NIBAN1: variants seen among roughly 807,000 people sequenced by gnomAD.
The protein encoded by NIBAN1 is protein Niban 1.
In NIBAN1, 81 loss-of-function variants were observed where a neutral mutation model predicts 75.1. The ratio of observed to expected loss-of-function variants is 1.08; its 90% CI spans 0.90 to 1.30. The LOEUF (loss-of-function observed/expected upper bound fraction) is 1.30. NIBAN1 is among the 50% of genes most tolerant of loss of function. The pLI is 0.00. For synonymous variants in NIBAN1, 436 were observed against 424.8 expected (o/e 1.03, Z -0.32); for missense variants, 1,133 against 1,128.1 (o/e 1.00, Z -0.06).
chr1:184,921,254 G>A (rs556535712), intron 1 of NIBAN1, among the ~76,000 whole-genome samples: 3 of 151,872 alleles, frequency 2.0e-5, no homozygotes, highest in South Asian at 2.1e-4. Context: ...CCGAGATTGC[G>A]CCATTGCACT....
chr1:184,911,202 T>TA (rs1657233034), intron 1 of NIBAN1, among the ~76,000 whole-genome samples: 1 of 152,334 alleles, frequency 6.6e-6, no homozygotes, highest in South Asian at 2.1e-4. Context: ...TCACTTAATA[T>TA]ATATTAAACT....
intron 1 of NIBAN1, among the ~76,000 whole-genome samples, chr1:184,938,654 A>C (rs1220451632): frequency 6.6e-6 from 1 of 152,212 alleles, no homozygotes; most frequent in African/African-American, 2.4e-5. Context: ...TTTATTTTTA[A>C]ACACTGTTAA....
chr1:184,842,207 A>G (rs1655305338), intron 5 of NIBAN1, among the ~76,000 whole-genome samples: 1 of 152,224 alleles, frequency 6.6e-6, no homozygotes, highest in Non-Finnish European at 1.5e-5. Context: ...GTAAAGAGAT[A>G]CTGAAGGGAA....
chr1:184,829,464 CTTT>C lies in NIBAN1; in HGVS notation c.717+2380_717+2382del, dbSNP rs34475915. Among the ~76,000 whole-genome samples the C allele has an allele frequency of 2.2e-4, 28 of 129,062 alleles. No individual in the cohort carries two copies. In the East Asian group the frequency reaches 5.2e-3, roughly 24 times the overall value. The allele number at this position is 129,062 out of a possible 152,430, so 84.7% of individuals were successfully genotyped here. ...AAAGGATTTATTAAATACATATATTCTTTTTTTTTTTTTTTTTTTTGAGATGGA... is the reference window on the plus strand; with the variant it reads ...AAAGGATTTATTAAATACATATATTCTTTTTTTTTTTTTTTTTGAGATGGA... On this transcript the variant is annotated intron_variant, in intron 6 of 13. Coordinates refer to ENST00000367511, the MANE Select transcript of NIBAN1 (RefSeq NM_052966.4).
intron 1 of NIBAN1, among the ~76,000 whole-genome samples, chr1:184,907,261 G>A (rs1657130410): frequency 1.3e-5 from 2 of 151,484 alleles, no homozygotes; most frequent in Non-Finnish European, 2.9e-5. Context: ...CATTTTTACT[G>A]TTACTATGAA....
chr1:184,965,181 C>A (rs1658749304), intron 1 of NIBAN1, among the ~76,000 whole-genome samples: 1 of 151,964 alleles, frequency 6.6e-6, no homozygotes, highest in African/African-American at 2.4e-5. Flanking sequence ...CGCCTGTAGT[C>A]CCAGCTACTC....
intron 1 of NIBAN1, among the ~76,000 whole-genome samples, chr1:184,963,285 G>A (rs931156944): frequency 6.6e-6 from 1 of 151,956 alleles, no homozygotes; most frequent in African/African-American, 2.4e-5. Context: ...TTAACGAAAA[G>A]GGGGGAGTAT....
intron 11 of NIBAN1, among the ~76,000 whole-genome samples, chr1:184,804,057 A>C (rs1251392714): frequency 6.6e-6 from 1 of 152,206 alleles, no homozygotes; most frequent in Non-Finnish European, 1.5e-5. Context: ...CCACATCTTC[A>C]AACCAGGGTC....
At chr1:184,832,624 A>AGGT (rs1655029668) in intron 5 of NIBAN1, among the ~76,000 whole-genome samples, 1 of 152,204 alleles carries the variant, frequency 6.6e-6, no homozygotes, top group African/African-American at 2.4e-5. Context: ...GGCACAGCCC[A>AGGT]GGTGTGAAAT....
At chr1:184,884,505 A>G (rs111912113) in intron 5 of NIBAN1, 128 bp downstream of exon 5, 82,239 of 1,271,802 alleles carry the variant, frequency 0.065, 2,951 homozygotes, top group African/African-American at 0.098. Context: ...GATTACAGGC[A>G]TGAGCCACCG....
intron 1 of NIBAN1, among the ~76,000 whole-genome samples, chr1:184,900,058 T>C (rs1006399052): frequency 3.9e-5 from 6 of 152,062 alleles, no homozygotes; most frequent in African/African-American, 1.4e-4. Context: ...TCAGATGATC[T>C]GCCCGCCTCG....
In NIBAN1 at chr1:184,974,351, G is replaced by T. The variant is rs1472748104; in HGVS notation, c.6C>A (p.Gly2=). ...CGTCCAGCTGGCTGGAGGCTGAGCC[G>T]CCCATGACCGCGAGCTGCCTGTGCT... M[G]GSASSQLDEG... Residue 2 remains glycine, a synonymous_variant, in exon 1 of 14, where the codon GGC becomes GGA. Transcript: ENST00000367511. 5 of 1,559,082 alleles carry T rather than the reference G, an allele frequency of 3.2e-6. No individual in the cohort carries two copies. The highest frequency in any genetic ancestry group is 1.4e-5 in the African/African-American group (1 of 73,454).
chr1:184,811,502 T>TTTTTTTTTG (rs1654374375), intron 9 of NIBAN1, among the ~76,000 whole-genome samples: 2 of 126,484 alleles, frequency 1.6e-5, no homozygotes, highest in African/African-American at 3.0e-5. Flanking sequence ...ACTTTCTTCC[T>TTTTTTTTTG]TTTTTTTTTT....
intron 5 of NIBAN1, among the ~76,000 whole-genome samples, chr1:184,870,315 A>G (rs577316301): frequency 6.6e-6 from 1 of 152,312 alleles, no homozygotes; most frequent in Non-Finnish European, 1.5e-5. Context: ...AGCTTCCTAA[A>G]ATGTATTCCA....
At chr1:184,822,806 T>G (rs1000544689) in intron 8 of NIBAN1, among the ~76,000 whole-genome samples, 7 of 152,152 alleles carry the variant, frequency 4.6e-5, no homozygotes, top group Non-Finnish European at 1.0e-4. Context: ...TGTACTTGAG[T>G]AAACCAGGGT....
intron 10 of NIBAN1, among the ~76,000 whole-genome samples, chr1:184,807,791 G>T (rs1224164990): frequency 1.3e-5 from 2 of 152,170 alleles, no homozygotes; most frequent in Non-Finnish European, 2.9e-5. Flanking sequence ...TCCCCCAGGT[G>T]ATTCCAATGT....
intron 1 of NIBAN1, among the ~76,000 whole-genome samples, chr1:184,935,679 C>A (rs1657937545): frequency 6.6e-6 from 1 of 151,796 alleles, no homozygotes; most frequent in South Asian, 2.1e-4. Flanking sequence ...CTGGCTTGAT[C>A]AAGCTTTGTT....
intron 5 of NIBAN1, among the ~76,000 whole-genome samples, chr1:184,878,571 C>G (rs1197022567): frequency 6.6e-6 from 1 of 152,176 alleles, no homozygotes; most frequent in Admixed American, 6.5e-5. Flanking sequence ...AAGTTAAACA[C>G]AGATCATACA....
intron 1 of NIBAN1, among the ~76,000 whole-genome samples, chr1:184,906,757 G>A (rs1289877601): frequency 1.3e-5 from 2 of 152,016 alleles, no homozygotes; most frequent in Non-Finnish European, 2.9e-5. Flanking sequence ...TCCTTTCTTG[G>A]CTTATCTGTT....
Sources: allele counts gnomAD v4.1 joint callset (sites outside exome capture counted in the v4.1 genomes callset), GRCh38; gene constraint gnomAD v4.1.1; transcripts MANE v1.5; gene names NCBI Gene and HGNC (gene_info 2026-07-23, HGNC 2026-07-21).